Variants in GRIA4 observed in about 807,000 individuals in gnomAD.
The protein encoded by GRIA4 is glutamate receptor 4.
GRIA4 carries 34 observed loss-of-function variants against 104.0 expected under a neutral mutation model. That is an observed-to-expected ratio of 0.33 (90% confidence interval 0.25 to 0.44). The LOEUF (loss-of-function observed/expected upper bound fraction) is 0.44. GRIA4 is among the 20% of genes least tolerant of loss of function. The pLI, the probability that GRIA4 is intolerant of heterozygous loss-of-function variation, is 1.00. For missense variants in GRIA4, 750 were observed against 1,096.5 expected (o/e 0.68, Z 4.46); for synonymous variants, 386 against 381.9 (o/e 1.01, Z -0.13).
Position 105,812,839 on chromosome 11 carries a change from G to C in GRIA4, c.488-49185G>C, listed in dbSNP as rs978833077. ...AAATTGGCCTAGCATGGTGGCTCAC[G>C]CCTGTTAATCCCAGCACTTTGGCAG... On this transcript the variant is annotated intron_variant, in intron 4 of 16. Coordinates refer to ENST00000282499, the MANE Select transcript of GRIA4 (RefSeq NM_000829.4). Among the ~76,000 whole-genome samples, 8 of 152,196 alleles carry C rather than the reference G, an allele frequency of 5.3e-5. No homozygotes were observed. The Middle Eastern group carries it at 0.024, about 453-fold the overall frequency.
intron 3 of GRIA4, among the ~76,000 whole-genome samples, chr11:105,617,919 T>C (rs1950641810): frequency 6.6e-6 from 1 of 151,896 alleles, no homozygotes; most frequent in South Asian, 2.1e-4. Context: ...AGGAGAGAGA[T>C]GGACACGGAA....
chr11:105,809,581 G>T (rs188633163), intron 4 of GRIA4, among the ~76,000 whole-genome samples: 3 of 152,052 alleles, frequency 2.0e-5, no homozygotes, highest in Admixed American at 6.6e-5. Context: ...ATGCTGTCGC[G>T]TGATAGTGAG....
At chr11:105,684,746 T>C (rs1031374784) in intron 3 of GRIA4, among the ~76,000 whole-genome samples, 7 of 151,430 alleles carry the variant, frequency 4.6e-5, no homozygotes, top group Admixed American at 2.0e-4. Flanking sequence ...ACTTTGGAAA[T>C]AAAATTAACT....
intron 4 of GRIA4, among the ~76,000 whole-genome samples, chr11:105,773,400 TAATAA>T (rs1941303190): frequency 6.6e-6 from 1 of 152,158 alleles, no homozygotes. Context: ...ACTGGCTTTA[TAATAA>T]CTGAATTCAT....
intron 13 of GRIA4, among the ~76,000 whole-genome samples, chr11:105,933,475 T>G (rs537334254): frequency 5.9e-5 from 9 of 152,094 alleles, no homozygotes; most frequent in Non-Finnish European, 1.3e-4. Flanking sequence ...ACTGTTATGG[T>G]AAGAGGTTTG....
chr11:105,642,094 C>T (rs1179485926), intron 3 of GRIA4, among the ~76,000 whole-genome samples: 12 of 151,952 alleles, frequency 7.9e-5, no homozygotes. Flanking sequence ...GCATTAGGGC[C>T]CACCCTAATG....
chr11:105,629,108 C>A lies in GRIA4; in HGVS notation c.247+16674C>A, dbSNP rs532421391. Among the ~76,000 whole-genome samples the A allele has an allele frequency of 5.3e-5, 8 of 150,026 alleles. No individual in the cohort carries two copies. The South Asian group carries it at 1.7e-3, about 31-fold the overall frequency. On this transcript the variant is annotated intron_variant, in intron 3 of 16. Coordinates refer to ENST00000282499, the MANE Select transcript of GRIA4 (RefSeq NM_000829.4). ...AAAAAAAAAAAAATTAGCGTGGCTGCCACTGCTATATAGTCCCAGCTACTC... is the reference window on the plus strand; with the variant it reads ...AAAAAAAAAAAAATTAGCGTGGCTGACACTGCTATATAGTCCCAGCTACTC...
chr11:105,803,819 T>C (rs1942825720), intron 4 of GRIA4, among the ~76,000 whole-genome samples: 1 of 134,122 alleles, frequency 7.5e-6, no homozygotes, highest in African/African-American at 2.9e-5. Flanking sequence ...ATTGAATAGA[T>C]AGGTGATTCT....
At chr11:105,767,886 C>T (rs1400077761) in intron 4 of GRIA4, among the ~76,000 whole-genome samples, 1 of 152,068 alleles carries the variant, frequency 6.6e-6, no homozygotes, top group Non-Finnish European at 1.5e-5. Flanking sequence ...CCCTTAACCA[C>T]AACATTATGC....
At chr11:105,711,872 T>C (rs1240122114) in intron 3 of GRIA4, among the ~76,000 whole-genome samples, 3 of 152,160 alleles carry the variant, frequency 2.0e-5, no homozygotes, top group African/African-American at 7.2e-5. Context: ...GGGCAAGTTA[T>C]TAAAACCTCT....
chr11:105,897,417 T>A (rs1326327620), intron 6 of GRIA4, among the ~76,000 whole-genome samples: 2 of 152,086 alleles, frequency 1.3e-5, no homozygotes, highest in Non-Finnish European at 2.9e-5. Flanking sequence ...CTTTTCTGAT[T>A]TTTCTGGCTA....
At chr11:105,628,876 C>T (rs2135301341) in intron 3 of GRIA4, among the ~76,000 whole-genome samples, 1 of 152,112 alleles carries the variant, frequency 6.6e-6, no homozygotes, top group South Asian at 2.1e-4. Flanking sequence ...GACATTGTTG[C>T]TAAAATAGTA....
chr11:105,911,775 A>ATATATATAT (rs1947245103), intron 10 of GRIA4: 2 of 72,974 alleles, frequency 2.7e-5, no homozygotes, highest in African/African-American at 1.4e-4. Context: ...CTTGAAAAGC[A>ATATATATAT]ATATATATAT....
chr11:105,839,676 C>T (rs774737822), intron 4 of GRIA4, among the ~76,000 whole-genome samples: 2 of 151,632 alleles, frequency 1.3e-5, no homozygotes, highest in African/African-American at 4.8e-5. Flanking sequence ...CCACCGCACC[C>T]CAGCCTGGGC....
intron 14 of GRIA4, among the ~76,000 whole-genome samples, chr11:105,949,582 G>A (rs1948411956): frequency 6.6e-6 from 1 of 152,006 alleles, no homozygotes; most frequent in South Asian, 2.1e-4. Context: ...ATTATTTAAA[G>A]AAGAAAGAGA....
At chr11:105,624,030 T>C (rs557191247) in intron 3 of GRIA4, among the ~76,000 whole-genome samples, 2 of 152,228 alleles carry the variant, frequency 1.3e-5, no homozygotes, top group African/African-American at 2.4e-5. Flanking sequence ...TGTTATATTA[T>C]CGAAAAATCA....
At chr11:105,862,758 T>C (rs1053298357) in intron 5 of GRIA4, 8 of 152,254 alleles carry the variant, frequency 5.3e-5, no homozygotes, top group African/African-American at 1.9e-4. Context: ...TTTTCAACTC[T>C]CCTCAAAATG....
intron 10 of GRIA4, among the ~76,000 whole-genome samples, chr11:105,918,146 T>G (rs1947462403): frequency 6.6e-6 from 1 of 152,150 alleles, no homozygotes; most frequent in Non-Finnish European, 1.5e-5. Context: ...ATTTTTTAAC[T>G]ATTGATTCAT....
At chr11:105,799,870 A>G (rs560628122) in intron 4 of GRIA4, among the ~76,000 whole-genome samples, 2 of 152,130 alleles carry the variant, frequency 1.3e-5, no homozygotes, top group Admixed American at 6.6e-5. Flanking sequence ...ATTTAAAGGC[A>G]GAATAGTTTG....
Sources: gnomAD v4.1 joint callset for allele counts (sites outside exome capture counted in the v4.1 genomes callset) on GRCh38, gnomAD v4.1.1 for gene constraint, MANE v1.5 for transcripts, NCBI Gene and HGNC (gene_info 2026-07-23, HGNC 2026-07-21) for gene names.